Variants in PCDHA10 observed in about 807,000 individuals in gnomAD.
PCDHA10 encodes the protein protocadherin alpha-10.
A neutral mutation model predicts 61.2 loss-of-function variants in PCDHA10; 45 were observed. That is an observed-to-expected ratio of 0.74 (90% CI 0.58 to 0.94). The LOEUF (loss-of-function observed/expected upper bound fraction) is 0.94. PCDHA10 is among the 40% of genes least tolerant of loss of function. The probability of loss-of-function intolerance (pLI) is 0.00; values close to 1 mark genes in which losing one functional copy is unlikely to be tolerated. For missense variants in PCDHA10, 1,278 were observed against 1,236.2 expected (o/e 1.03, Z -0.51); for synonymous variants, 602 against 548.8 (o/e 1.10, Z -1.35).
chr5:140,967,310 G>A (rs2096126313), intron 1 of PCDHA10: 1 of 1,611,338 alleles, frequency 6.2e-7, no homozygotes, highest in East Asian at 2.2e-5. Context: ...CGCCAACTCA[G>A]TACAGACCTA....
chr5:140,888,628 T>C (rs2061913275), intron 1 of PCDHA10, among the ~76,000 whole-genome samples: 1 of 152,242 alleles, frequency 6.6e-6, no homozygotes, highest in Admixed American at 6.5e-5. Flanking sequence ...TTCGGCCTTC[T>C]ATTACAGCAA....
intron 1 of PCDHA10, chr5:140,877,530 T>C: frequency 1.2e-6 from 2 of 1,613,780 alleles, no homozygotes; most frequent in Non-Finnish European, 1.7e-6. Context: ...CAGTGGGCGC[T>C]GTGGATCCCG....
chr5:140,931,395 C>T lies in PCDHA10; in HGVS notation c.2389-47554C>T, dbSNP rs141099105. Among the ~76,000 whole-genome samples the T allele has an allele frequency of 5.8e-3, 884 of 151,620 alleles. 4 individuals carry two copies. The highest frequency in any genetic ancestry group is 0.021 in the African/African-American group (851 of 41,384). ...AGACTAGAAAGGAAACATAAGTAAG[C>T]GATAGGAAGGCTGATGAATCTAGAA... On this transcript the variant is annotated intron_variant, in intron 1 of 3. Coordinates refer to ENST00000307360, the MANE Select transcript of PCDHA10 (RefSeq NM_018901.4).
chr5:140,863,217 G>A (rs932359746), intron 1 of PCDHA10: 13 of 1,095,768 alleles, frequency 1.2e-5, no homozygotes, highest in Non-Finnish European at 1.6e-5. Flanking sequence ...GCAGCCAAGC[G>A]AGGAAGGTCC....
intron 1 of PCDHA10, among the ~76,000 whole-genome samples, chr5:140,888,767 T>G (rs927723567): frequency 6.6e-6 from 1 of 152,048 alleles, no homozygotes; most frequent in Non-Finnish European, 1.5e-5. Flanking sequence ...TTTTTTTTAA[T>G]TTTGAAGGGA....
rs1238131938 is a variant in PCDHA10, at chr5:141,010,564, G to A, written c.*627G>A. Reference sequence around the variant, plus strand: ...GAGACAAAACTACCCCCACTGACAAGGCTTTAGGAGACCCTAAAGTCTGTT... The same window carrying A: ...GAGACAAAACTACCCCCACTGACAAAGCTTTAGGAGACCCTAAAGTCTGTT... On this transcript the variant is annotated 3_prime_UTR_variant, in exon 4 of 4. Coordinates refer to ENST00000307360, the MANE Select transcript of PCDHA10 (RefSeq NM_018901.4). 1 of 289,402 alleles carries A rather than the reference G, an allele frequency of 3.5e-6. No homozygotes were observed. Among genetic ancestry groups the A allele is most frequent in the Non-Finnish European group, 6.5e-6 (1 of 154,048 alleles). 17.9% of individuals were successfully genotyped at this position (289,402 alleles called of 1,614,324 possible).
At chr5:140,873,161 C>G (rs946054760) in intron 1 of PCDHA10, among the ~76,000 whole-genome samples, 2 of 152,012 alleles carry the variant, frequency 1.3e-5, no homozygotes, top group South Asian at 2.1e-4. Context: ...GACTTTAGAT[C>G]GAGAGCTTTT....
chr5:140,960,792 C>T (rs2095571018), intron 1 of PCDHA10, among the ~76,000 whole-genome samples: 1 of 151,986 alleles, frequency 6.6e-6, no homozygotes, highest in South Asian at 2.1e-4. Context: ...AACAAGGTTT[C>T]TATTAAAATA....
intron 1 of PCDHA10, among the ~76,000 whole-genome samples, chr5:140,975,697 AT>A (rs1375810410): frequency 1.3e-5 from 2 of 152,182 alleles, no homozygotes; most frequent in African/African-American, 4.8e-5. Flanking sequence ...TTTTAAACTT[AT>A]TTTACTTTAA....
At chr5:140,867,981 A>G (rs1451119630) in intron 1 of PCDHA10, 5 of 152,162 alleles carry the variant, frequency 3.3e-5, no homozygotes, top group African/African-American at 4.8e-5. Context: ...CAAGAAACAA[A>G]CTATTTTCAT....
At chr5:141,005,315 G>A (rs1554259986) in intron 3 of PCDHA10, among the ~76,000 whole-genome samples, 1 of 152,186 alleles carries the variant, frequency 6.6e-6, no homozygotes, top group Non-Finnish European at 1.5e-5. Flanking sequence ...TCTTACAGTG[G>A]TAGAGAATAA....
intron 1 of PCDHA10, chr5:140,966,517 A>T (rs1285058359): frequency 4.6e-6 from 2 of 435,352 alleles, no homozygotes; most frequent in Non-Finnish European, 8.0e-6. Context: ...CAGCAGCAGG[A>T]AGCCGAGCCG....
chr5:140,981,985 G>C (rs1554243637), intron 2 of PCDHA10, among the ~76,000 whole-genome samples: 1 of 152,162 alleles, frequency 6.6e-6, no homozygotes, highest in Non-Finnish European at 1.5e-5. Context: ...GAGTAAAATA[G>C]AAAATAAGGT....
intron 1 of PCDHA10, among the ~76,000 whole-genome samples, chr5:140,917,338 G>GGTGGGGGGGGGGGGGGGGGGC (rs2078134893): frequency 7.3e-6 from 1 of 137,894 alleles, no homozygotes; most frequent in Non-Finnish European, 1.6e-5. Flanking sequence ...GGAGGGGGGG[G>GGTGGGGGGGGGGGGGGGGGGC]ATGGTGTAGG....
intron 1 of PCDHA10, chr5:140,884,750 A>T (rs1032518651): frequency 8.1e-5 from 116 of 1,431,120 alleles, no homozygotes; most frequent in Non-Finnish European, 1.2e-5. Context: ...TGCCAATTTC[A>T]AATTATTCTT....
intron 1 of PCDHA10, among the ~76,000 whole-genome samples, chr5:140,952,530 A>C (rs246033): frequency 0.56 from 85,631 of 151,920 alleles, 24,768 homozygotes; most frequent in African/African-American, 0.69. Flanking sequence ...ACCTCCTCAG[A>C]CTGGACTTCT....
rs184537292 is a variant in PCDHA10, at chr5:140,970,210, C to T, written c.2389-8739C>T. Among the ~76,000 whole-genome samples, 8 of 152,308 alleles carry T rather than the reference C, an allele frequency of 5.3e-5. No homozygotes were observed. The East Asian group carries it at 1.5e-3, about 29-fold the overall frequency. On this transcript the variant is annotated intron_variant, in intron 1 of 3. Transcript: ENST00000307360. Reference sequence around the variant, plus strand: ...TGTAAGAGGATTTCCCTGAATTTAGCTTAAATGCAGCCTGTAATCTTCTGA... The same window carrying T: ...TGTAAGAGGATTTCCCTGAATTTAGTTTAAATGCAGCCTGTAATCTTCTGA...
chr5:140,984,516 TCA>T (rs1422083367), intron 3 of PCDHA10, among the ~76,000 whole-genome samples: 2 of 152,130 alleles, frequency 1.3e-5, no homozygotes, highest in Non-Finnish European at 2.9e-5. Context: ...GATGCATGAG[TCA>T]CAGTCTTCAT....
chr5:140,992,465 C>G (rs1554252929), intron 3 of PCDHA10, among the ~76,000 whole-genome samples: 2 of 152,162 alleles, frequency 1.3e-5, no homozygotes. Flanking sequence ...GGACAGTACT[C>G]TTTAGATCAC....
Sources: allele counts gnomAD v4.1 joint callset (sites outside exome capture counted in the v4.1 genomes callset), GRCh38; gene constraint gnomAD v4.1.1; transcripts MANE v1.5; gene names NCBI Gene and HGNC (gene_info 2026-07-23, HGNC 2026-07-21).